Variants in DNAAF10 observed in about 807,000 individuals in gnomAD.
DNAAF10 encodes dynein axonemal assembly factor 10.
A neutral mutation model predicts 43.7 loss-of-function variants in DNAAF10; 28 were observed. The observed-to-expected ratio is 0.64, with a 90% CI of 0.48 to 0.88. The LOEUF is 0.88. Among genes scored for constraint, DNAAF10 ranks in the 40% least tolerant of loss-of-function variants. The pLI, the probability that DNAAF10 is intolerant of heterozygous loss-of-function variation, is 0.00. For missense variants in DNAAF10, 403 were observed against 439.1 expected (o/e 0.92, Z 0.73); for synonymous variants, 156 against 157.3 (o/e 0.99, Z 0.06).
chr2:68,147,614 TATTTATA>T, intron 1 of DNAAF10, 47 bp from the exon 2 acceptor site: 2 of 1,402,514 alleles, frequency 1.4e-6, no homozygotes, highest in Non-Finnish European at 2.0e-6. Context: ...TGTAAGCAGA[TATTTATA>T]ATCTATTAAT....
At chr2:68,135,158 T>C (rs553744091) in intron 6 of DNAAF10, among the ~76,000 whole-genome samples, 58 of 152,290 alleles carry the variant, frequency 3.8e-4, no homozygotes, top group African/African-American at 1.3e-3. Flanking sequence ...TAAAAACATA[T>C]ACTTTTGTTT....
chr2:68,147,745 T>A (rs1673355635), intron 1 of DNAAF10, among the ~76,000 whole-genome samples, 178 bp from the exon 2 acceptor site: 1 of 152,224 alleles, frequency 6.6e-6, no homozygotes. Flanking sequence ...CTTTAAAATA[T>A]GTAACTGTCA....
Position 68,134,764 on chromosome 2 carries a change from C to CA in DNAAF10, c.803dup (p.Pro269AlafsTer22). 6.2e-7 allele frequency: 1 copy of CA among 1,610,138 alleles called. No individual in the cohort carries two copies. Among genetic ancestry groups the CA allele is most frequent in the Non-Finnish European group, 8.5e-7 (1 of 1,179,218 alleles). ...TCAGAAAGAGCTCCCTGTTCTGCGG[C>CA]AGGTGTCGGACCTGCCACACAGTAG... On this transcript the variant is annotated frameshift_variant, in exon 7 of 8. Transcript: ENST00000295121. LOFTEE classifies it high-confidence loss of function.
intron 1 of DNAAF10, among the ~76,000 whole-genome samples, chr2:68,149,976 G>C (rs991459348): frequency 6.6e-6 from 1 of 152,138 alleles, no homozygotes; most frequent in Admixed American, 6.5e-5. Flanking sequence ...CAATTCTCTG[G>C]GAACATTTTT....
At chr2:68,153,939 G>T (rs1194499691) in intron 1 of DNAAF10, among the ~76,000 whole-genome samples, 1 of 151,744 alleles carries the variant, frequency 6.6e-6, no homozygotes, top group African/African-American at 2.4e-5. Flanking sequence ...TTTTTTAGTA[G>T]AGATGGGGTT....
chr2:68,153,416 T>C (rs2103639516), intron 1 of DNAAF10, among the ~76,000 whole-genome samples: 1 of 150,768 alleles, frequency 6.6e-6, no homozygotes, highest in Non-Finnish European at 1.5e-5. Flanking sequence ...AGATCTACGA[T>C]GATACATCAA....
At chr2:68,138,128 T>TCG (rs1427550424) in intron 5 of DNAAF10, among the ~76,000 whole-genome samples, 2 of 151,908 alleles carry the variant, frequency 1.3e-5, no homozygotes, top group African/African-American at 4.8e-5. Flanking sequence ...TGAGCCAACA[T>TCG]CGCGCCACTG....
intron 1 of DNAAF10, among the ~76,000 whole-genome samples, chr2:68,154,798 GTCTC>G (rs1289973325): frequency 6.6e-6 from 1 of 151,748 alleles, no homozygotes; most frequent in Non-Finnish European, 1.5e-5. Flanking sequence ...TTGAGACAGG[GTCTC>G]TCTGTCACCC....
chr2:68,146,854 C>T (rs548294310), intron 2 of DNAAF10, among the ~76,000 whole-genome samples: 2 of 151,862 alleles, frequency 1.3e-5, no homozygotes, highest in Non-Finnish European at 2.9e-5. Flanking sequence ...CTGCTGTATA[C>T]TTTAAATGAT....
chr2:68,143,756 C>G (rs1673247857), intron 3 of DNAAF10, among the ~76,000 whole-genome samples: 1 of 151,996 alleles, frequency 6.6e-6, no homozygotes, highest in African/African-American at 2.4e-5. Context: ...TATAACTATG[C>G]AAAATTATAT....
At chr2:68,132,797 C>T (rs1373108183) in intron 7 of DNAAF10, among the ~76,000 whole-genome samples, 2 of 152,220 alleles carry the variant, frequency 1.3e-5, no homozygotes, top group East Asian at 1.9e-4. Flanking sequence ...GAAGATTAGA[C>T]TGGACATCTG....
intron 1 of DNAAF10, among the ~76,000 whole-genome samples, chr2:68,156,045 T>A (rs983666459): frequency 2.2e-5 from 3 of 136,204 alleles, no homozygotes; most frequent in Non-Finnish European, 4.6e-5. Flanking sequence ...GAGGTTGCAG[T>A]GAGCTGTGTT....
At chr2:68,137,877 CATT>C (rs1369767391) in intron 5 of DNAAF10, among the ~76,000 whole-genome samples, 1 of 116,524 alleles carries the variant, frequency 8.6e-6, no homozygotes, top group Non-Finnish European at 1.7e-5. Flanking sequence ...AAAAAAAAAA[CATT>C]TTTTTTTTTT....
At chr2:68,141,914 G>T in intron 3 of DNAAF10, 119 bp from the exon 4 acceptor site, 1 of 795,712 alleles carries the variant, frequency 1.3e-6, no homozygotes. Context: ...TATGACATCT[G>T]AAAATATCCA....
At chr2:68,136,743 T>C (rs1673052753) in intron 6 of DNAAF10, among the ~76,000 whole-genome samples, 1 of 152,222 alleles carries the variant, frequency 6.6e-6, no homozygotes, top group South Asian at 2.1e-4. Context: ...CCCTTTGCCC[T>C]GCTTTCCTCA....
chr2:68,148,959 C>T (rs1175814671), intron 1 of DNAAF10, among the ~76,000 whole-genome samples: 2 of 152,178 alleles, frequency 1.3e-5, no homozygotes, highest in Non-Finnish European at 2.9e-5. Context: ...TGATGTGTTT[C>T]ACTTAACAAT....
At position 68,130,721 on chromosome 2, in the gene DNAAF10, G is replaced by C. The variant is rs151227218; in HGVS notation, c.*517C>G. The C allele has an allele frequency of 3.9e-5, 6 of 153,848 alleles. No individual in the cohort carries two copies. The highest frequency in any genetic ancestry group is 1.4e-4 in the African/African-American group (6 of 41,526). 9.5% of individuals were successfully genotyped at this position (153,848 alleles called of 1,614,324 possible). ...AACTGGCCCTGGAGATAGTTTACTT[G>C]GTGCTTCTGATACCCACGTGCAGCA... On this transcript the variant is annotated 3_prime_UTR_variant, in exon 8 of 8. Transcript: ENST00000295121.
chr2:68,149,381 C>T (rs182476111), intron 1 of DNAAF10, among the ~76,000 whole-genome samples: 3 of 152,274 alleles, frequency 2.0e-5, no homozygotes, highest in Admixed American at 6.5e-5. Context: ...AAATCAGCCA[C>T]GTACAGTAAC....
intron 2 of DNAAF10, among the ~76,000 whole-genome samples, chr2:68,146,133 G>C (rs879803218): frequency 6.6e-6 from 1 of 152,148 alleles, no homozygotes. Flanking sequence ...GTGGTGGTGG[G>C]CACCTGTAAT....
Sources: gnomAD v4.1 joint callset for allele counts (sites outside exome capture counted in the v4.1 genomes callset) on GRCh38, gnomAD v4.1.1 for gene constraint, MANE v1.5 for transcripts, NCBI Gene and HGNC (gene_info 2026-07-23, HGNC 2026-07-21) for gene names.